YEATS4: variants seen among roughly 807,000 people sequenced by gnomAD.
The protein encoded by YEATS4 is YEATS domain containing 4.
YEATS4 carries 17 observed loss-of-function variants against 30.1 expected under a neutral mutation model. The observed-to-expected ratio is 0.56, with a 90% CI of 0.39 to 0.85. YEATS4 has a LOEUF of 0.85. Among genes scored for constraint, YEATS4 ranks in the 40% least tolerant of loss-of-function variants. YEATS4 has a pLI of 0.00. For missense variants in YEATS4, 142 were observed against 268.3 expected (o/e 0.53, Z 3.29); for synonymous variants, 85 against 87.5 (o/e 0.97, Z 0.16).
chr12:69,419,646 A>G, the YEATS4 span, among the ~76,000 whole-genome samples: 1 of 152,162 alleles, frequency 6.6e-6, no homozygotes, highest in African/African-American at 2.4e-5. Context: ...GAAGGTTTTT[A>G]TAAATAGTTG....
At position 69,359,951 on chromosome 12, in the gene YEATS4, G is replaced by A; in HGVS notation, c.-22G>A. ...GCCCCGGTCTCTTTCCCTGGCGGCG[G>A]CGGCTTCTTCCGTGGGACAATATGT... On this transcript the variant is annotated 5_prime_UTR_variant, in exon 1 of 7. Coordinates refer to ENST00000247843, the MANE Select transcript of YEATS4 (RefSeq NM_006530.4). 1 of 1,611,836 alleles carries A rather than the reference G, an allele frequency of 6.2e-7. No homozygotes were observed. Among genetic ancestry groups the A allele is most frequent in the Non-Finnish European group, 8.5e-7 (1 of 1,178,896 alleles).
At position 69,375,158 on chromosome 12, in the gene YEATS4, C is replaced by T. The variant is rs561721689; in HGVS notation, c.514+4183C>T. Reference sequence around the variant, plus strand: ...CTCACTTCCCAGACGGGGAGGCTGCCGGGCGTAGGGGCTCCTCACTTCTCA... The same window carrying T: ...CTCACTTCCCAGACGGGGAGGCTGCTGGGCGTAGGGGCTCCTCACTTCTCA... On this transcript the variant is annotated intron_variant, in intron 6 of 6. Transcript: ENST00000247843. Among the ~76,000 whole-genome samples, 116 of 147,650 alleles carry T rather than the reference C, an allele frequency of 7.9e-4. 1 individual carries two copies. The highest frequency in any genetic ancestry group is 2.7e-3 in the African/African-American group (108 of 39,676).
chr12:69,380,996 C>T (rs1876053728), intron 6 of YEATS4, among the ~76,000 whole-genome samples: 1 of 152,088 alleles, frequency 6.6e-6, no homozygotes, highest in South Asian at 2.1e-4. Flanking sequence ...GATCACAGGA[C>T]CGGGGCAAAA....
chr12:69,396,099 A>G, the YEATS4 span, among the ~76,000 whole-genome samples: 1 of 152,160 alleles, frequency 6.6e-6, no homozygotes, highest in East Asian at 1.9e-4. Flanking sequence ...ACTCTTTCTC[A>G]CTTTCACTGG....
chr12:69,360,502 ATGGTGT>A (rs1394696770), intron 1 of YEATS4, among the ~76,000 whole-genome samples: 1 of 152,218 alleles, frequency 6.6e-6, no homozygotes, highest in Non-Finnish European at 1.5e-5. Flanking sequence ...GCTGGAGTTC[ATGGTGT>A]TCACAAAGCC....
the YEATS4 span, among the ~76,000 whole-genome samples, chr12:69,414,770 A>G: frequency 4.6e-5 from 7 of 152,218 alleles, no homozygotes; most frequent in Admixed American, 2.0e-4. Context: ...GGCCCGCTGA[A>G]AAGTGCCTAG....
intron 6 of YEATS4, among the ~76,000 whole-genome samples, chr12:69,374,140 G>GTTT (rs56302338): frequency 1.4e-5 from 2 of 147,190 alleles, no homozygotes; most frequent in Non-Finnish European, 1.5e-5. Context: ...TTTAGGTTTT[G>GTTT]TTTTTTTTTT....
At chr12:69,408,787 A>G in the YEATS4 span, among the ~76,000 whole-genome samples, 5 of 152,208 alleles carry the variant, frequency 3.3e-5, no homozygotes, top group Admixed American at 1.3e-4. Context: ...TAGACCTTTC[A>G]ATATGCTCTC....
chr12:69,383,930 G>C (rs1035662430), intron 6 of YEATS4, among the ~76,000 whole-genome samples: 2 of 152,204 alleles, frequency 1.3e-5, no homozygotes, highest in Non-Finnish European at 2.9e-5. Flanking sequence ...CTGAAAGGGA[G>C]TGATGCAATA....
chr12:69,426,831 A>G, the YEATS4 span, among the ~76,000 whole-genome samples: 1 of 152,206 alleles, frequency 6.6e-6, no homozygotes, highest in Non-Finnish European at 1.5e-5. Flanking sequence ...TGAGGTCTCA[A>G]GGGTAGCAGA....
downstream of YEATS4, among the ~76,000 whole-genome samples, chr12:69,393,323 C>G (rs1490319345): frequency 6.6e-6 from 1 of 152,020 alleles, no homozygotes. Flanking sequence ...GAAAAATTGG[C>G]CAGGTGTGGT....
the YEATS4 span, among the ~76,000 whole-genome samples, chr12:69,400,107 T>C: frequency 5.3e-5 from 8 of 152,054 alleles, no homozygotes; most frequent in Non-Finnish European, 1.0e-4. Context: ...GTATACTTTA[T>C]GGTATGTGAA....
chr12:69,412,529 T>C, the YEATS4 span, among the ~76,000 whole-genome samples: 1 of 152,102 alleles, frequency 6.6e-6, no homozygotes. Context: ...GGCAGGGGCC[T>C]GTAGTCCCAG....
At chr12:69,363,714 A>C (rs1268936479) in intron 2 of YEATS4, among the ~76,000 whole-genome samples, 1 of 152,230 alleles carries the variant, frequency 6.6e-6, no homozygotes, top group Non-Finnish European at 1.5e-5. Flanking sequence ...TTATTCCTCT[A>C]TTTAAAACCC....
At chr12:69,373,320 ATAACAGCCATTT>A (rs1226148577) in intron 6 of YEATS4, among the ~76,000 whole-genome samples, 1 of 152,152 alleles carries the variant, frequency 6.6e-6, no homozygotes, top group East Asian at 1.9e-4. Context: ...TGTCTTTTCG[ATAACAGCCATTT>A]TAACAGGCAT....
intron 6 of YEATS4, among the ~76,000 whole-genome samples, chr12:69,375,145 A>C (rs549695933): frequency 4.5e-4 from 67 of 148,402 alleles, no homozygotes; most frequent in African/African-American, 1.5e-3. Context: ...CACTTCCCAG[A>C]CGGGGAGGCT....
At chr12:69,364,515 A>G (rs1334634022) in intron 2 of YEATS4, among the ~76,000 whole-genome samples, 1 of 152,202 alleles carries the variant, frequency 6.6e-6, no homozygotes, top group Non-Finnish European at 1.5e-5. Context: ...ATTTGCCATA[A>G]CTAATGAATA....
the YEATS4 span, among the ~76,000 whole-genome samples, chr12:69,426,591 G>A: frequency 6.6e-5 from 10 of 152,048 alleles, no homozygotes; most frequent in Admixed American, 6.6e-5. Flanking sequence ...CGCTGATCTC[G>A]AACTCCTGAC....
chr12:69,371,530 T>C (rs935363585), intron 6 of YEATS4, among the ~76,000 whole-genome samples: 1 of 152,234 alleles, frequency 6.6e-6, no homozygotes, highest in Non-Finnish European at 1.5e-5. Context: ...TCATTTGCAA[T>C]TGGCATTTAA....
Sources: allele counts gnomAD v4.1 joint callset (sites outside exome capture counted in the v4.1 genomes callset), GRCh38; gene constraint gnomAD v4.1.1; transcripts MANE v1.5; gene names NCBI Gene and HGNC (gene_info 2026-07-23, HGNC 2026-07-21).